The following TXLNG variants were observed in gnomAD, a reference collection of about 807,000 sequenced individuals.
The protein encoded by TXLNG is gamma-taxilin.
A neutral mutation model predicts 38.8 loss-of-function variants in TXLNG; 5 were observed. The ratio of observed to expected loss-of-function variants is 0.13; its 90% CI spans 0.07 to 0.27. TXLNG has a LOEUF of 0.27. TXLNG is among the 10% of genes least tolerant of loss of function. The pLI is 1.00. For missense variants in TXLNG, 393 were observed against 398.2 expected, an observed-to-expected ratio of 0.99 and a Z score of 0.11; for synonymous variants, 182 against 158.2, an observed-to-expected ratio of 1.15 and a Z score of -1.13.
At chrX:16,834,984 C>T (rs139343845) in intron 7 of TXLNG, among the ~76,000 whole-genome samples, 4,142 of 107,786 alleles carry the variant, frequency 0.038, 91 homozygotes, top group Non-Finnish European at 0.062. Context: ...CAGGGCCCTC[C>T]CTCTTGTTCA....
At chrX:16,829,835 A>C (rs1465438211) in intron 5 of TXLNG, 65 bp downstream of exon 5, 1 of 1,069,622 alleles carries the variant, frequency 9.3e-7, no homozygotes, top group East Asian at 3.1e-5. Flanking sequence ...ATTCATACCT[A>C]AAGTAAAACT....
intron 3 of TXLNG, among the ~76,000 whole-genome samples, chrX:16,825,218 T>C (rs1929126379): frequency 8.9e-6 from 1 of 112,178 alleles, no homozygotes; most frequent in Non-Finnish European, 1.9e-5. Flanking sequence ...CCATTTTACG[T>C]CTATTGTAGT....
At chrX:16,819,080 T>C (rs1292198649) in intron 2 of TXLNG, among the ~76,000 whole-genome samples, 3 of 110,006 alleles carry the variant, frequency 2.7e-5, no homozygotes, top group Admixed American at 9.8e-5. Flanking sequence ...TTTTTTTTTT[T>C]CCAAATAATC....
intron 6 of TXLNG, among the ~76,000 whole-genome samples, 183 bp from the exon 7 acceptor site, chrX:16,834,100 A>G (rs925805011): frequency 7.1e-5 from 8 of 112,342 alleles, no homozygotes; most frequent in African/African-American, 2.6e-4. Context: ...CTGCATTCCT[A>G]AGTGTTAACC....
In TXLNG at chrX:16,837,609, A is replaced by G. The variant is rs989737735; in HGVS notation, c.1076A>G (p.Asp359Gly). The G allele has an allele frequency of 5.8e-6, 7 of 1,203,327 alleles. No homozygotes were observed. In the African/African-American group the frequency reaches 7.0e-5, roughly 12 times the overall value. The change falls in exon 8 of 10, where the codon GAT becomes GGT. Residue 359 changes from aspartate (D) to glycine (G), a missense_variant. Transcript: ENST00000380122. ...TTCCTATAGCTTTCTCTTTATATGG[A>G]TAAGTTTGAAGAATTCCAGACTACC... ...QLKQQLSLYM[D>G]KFEEFQTTMA...
chrX:16,831,309 T>C (rs1219524863), intron 5 of TXLNG, among the ~76,000 whole-genome samples: 2 of 112,300 alleles, frequency 1.8e-5, no homozygotes, highest in Non-Finnish European at 3.8e-5. Flanking sequence ...GGTACTCACC[T>C]GTAGTCCCAG....
chrX:16,841,773 G>C lies in TXLNG; in HGVS notation c.*7G>C, dbSNP rs73630570. The C allele has an allele frequency of 8.3e-7, 1 of 1,198,380 alleles. No individual in the cohort carries two copies. Among genetic ancestry groups the C allele is most frequent in the African/African-American group, 1.8e-5 (1 of 56,918 alleles). On this transcript the variant is annotated 3_prime_UTR_variant, in exon 10 of 10. Coordinates refer to ENST00000380122, the MANE Select transcript of TXLNG (RefSeq NM_018360.3). ...CATCGAGTCGGTTGACTAAGATGAG[G>C]TGTGATCACTGTATTGAGAGATATA... is the stretch of plus-strand genomic sequence containing the variant.
chrX:16,839,797 T>G, intron 8 of TXLNG, 24 bp from the exon 9 acceptor site: 1 of 1,097,299 alleles, frequency 9.1e-7, no homozygotes, highest in Non-Finnish European at 1.2e-6. Flanking sequence ...AACTTAGAAT[T>G]TAAATGTGCA....
intron 1 of TXLNG, among the ~76,000 whole-genome samples, chrX:16,800,038 C>A (rs1308908687): frequency 9.3e-6 from 1 of 107,917 alleles, no homozygotes; most frequent in Non-Finnish European, 1.9e-5. Context: ...CTCCGGAGTT[C>A]AAGTGATTCT....
chrX:16,808,524 A>T (rs1928404342), intron 1 of TXLNG, among the ~76,000 whole-genome samples: 1 of 111,744 alleles, frequency 8.9e-6, no homozygotes, highest in South Asian at 3.7e-4. Flanking sequence ...CCTGCTGTGA[A>T]AGTCTTGTCC....
intron 1 of TXLNG, among the ~76,000 whole-genome samples, chrX:16,793,531 A>G (rs751740738): frequency 9.1e-6 from 1 of 109,340 alleles, no homozygotes; most frequent in East Asian, 2.9e-4. Context: ...TCAAGGTAGT[A>G]GAATGGTTTG....
chrX:16,810,233 T>C (rs1262237570), intron 1 of TXLNG, among the ~76,000 whole-genome samples: 2 of 112,058 alleles, frequency 1.8e-5, no homozygotes, highest in Admixed American at 1.9e-4. Context: ...ACTACTATTA[T>C]TTATATAAGA....
At chrX:16,812,554 C>T (rs1381791415) in intron 1 of TXLNG, among the ~76,000 whole-genome samples, 5 of 105,602 alleles carry the variant, frequency 4.7e-5, no homozygotes, top group Admixed American at 4.1e-4. Flanking sequence ...CCATCATGCC[C>T]GGCTAATGTT....
intron 1 of TXLNG, among the ~76,000 whole-genome samples, chrX:16,811,892 A>G (rs1928532986): frequency 9.1e-6 from 1 of 110,122 alleles, no homozygotes; most frequent in Admixed American, 9.7e-5. Context: ...TGCCTGCCTC[A>G]GCCTCCCAAA....
At chrX:16,790,465 G>A (rs1168664868) in intron 1 of TXLNG, among the ~76,000 whole-genome samples, 2 of 111,015 alleles carry the variant, frequency 1.8e-5, no homozygotes, top group Non-Finnish European at 3.8e-5. Flanking sequence ...GCCTCCCAAA[G>A]TGCTGGAATT....
intron 5 of TXLNG, among the ~76,000 whole-genome samples, 160 bp from the exon 6 acceptor site, chrX:16,832,463 C>A (rs4828559): frequency 0.48 from 53,459 of 110,633 alleles, 9,767 homozygotes; most frequent in East Asian, 0.83. Context: ...CCGCTTCTCT[C>A]AGCGGAGTAT....
intron 1 of TXLNG, among the ~76,000 whole-genome samples, chrX:16,796,588 C>T (rs747131596): frequency 2.7e-5 from 3 of 111,928 alleles, no homozygotes; most frequent in Admixed American, 1.9e-4. Context: ...AGTTGTCCCT[C>T]ACCACCCATT....
Position 16,841,473 on chromosome X carries a change from G to C in TXLNG, c.1294G>C (p.Glu432Gln), listed in dbSNP as rs151091645. The C allele has an allele frequency of 2.1e-5, 25 of 1,209,568 alleles. No individual in the cohort carries two copies. The African/African-American group carries it at 4.2e-4, about 20-fold the overall frequency. ...GTACAAGGCCCTTCAAATAAAACTG[G>C]AACGGTTAGAGAAGCTGTGCAGGGC... ...KEYKALQIKL[E>Q]RLEKLCRALQ... Residue 432 changes from glutamate (E) to glutamine (Q), a missense_variant, in exon 10 of 10, where the codon GAA (glutamate) becomes CAA (glutamine). Glu to Gln is a conservative substitution (Grantham distance 29, BLOSUM62 2). Transcript: ENST00000380122.
chrX:16,799,518 A>G (rs922973520), intron 1 of TXLNG, among the ~76,000 whole-genome samples: 15 of 110,938 alleles, frequency 1.4e-4, no homozygotes, highest in African/African-American at 4.6e-4. Flanking sequence ...CATGCCTGTA[A>G]TCCCAGCACT....
Sources: allele counts gnomAD v4.1 joint callset (sites outside exome capture counted in the v4.1 genomes callset), GRCh38; gene constraint gnomAD v4.1.1; transcripts MANE v1.5; gene names NCBI Gene and HGNC (gene_info 2026-07-23, HGNC 2026-07-21).